The following DAB1 variants were observed in gnomAD, a reference collection of about 807,000 sequenced individuals.
DAB1 encodes the protein DAB adaptor protein 1, also known as disabled homolog 1.
DAB1 carries 15 observed loss-of-function variants against 64.6 expected under a neutral mutation model. The ratio of observed to expected loss-of-function variants is 0.23; its 90% CI spans 0.16 to 0.36. The LOEUF (loss-of-function observed/expected upper bound fraction) is 0.36. Among genes scored for constraint, DAB1 ranks in the 10% least tolerant of loss-of-function variants. The pLI is 1.00. For missense variants in DAB1, 596 were observed against 706.7 expected, an observed-to-expected ratio of 0.84 and a Z score of 1.78; for synonymous variants, 235 against 251.9, an observed-to-expected ratio of 0.93 and a Z score of 0.64.
chr1:57,692,139 C>T (rs1307518770), intron 6 of DAB1, among the ~76,000 whole-genome samples: 2 of 151,978 alleles, frequency 1.3e-5, no homozygotes, highest in East Asian at 1.9e-4. Context: ...AGTCACGTTG[C>T]CCAAGTGAGA....
intron 1 of DAB1, among the ~76,000 whole-genome samples, chr1:57,297,019 A>G (rs1673251004): frequency 1.3e-5 from 2 of 152,318 alleles, no homozygotes; most frequent in African/African-American, 4.8e-5. Context: ...ATCAACAAAC[A>G]GGGGCAGATG....
intron 7 of DAB1, among the ~76,000 whole-genome samples, chr1:57,432,936 A>G (rs1685568135): frequency 6.6e-6 from 1 of 152,240 alleles, no homozygotes; most frequent in African/African-American, 2.4e-5. Flanking sequence ...CCAAAATTAC[A>G]CAGCTGATCA....
intron 1 of DAB1, among the ~76,000 whole-genome samples, chr1:57,856,791 A>T (rs1175328882): frequency 1.3e-5 from 2 of 152,048 alleles, no homozygotes; most frequent in Non-Finnish European, 2.9e-5. Context: ...AATAAAAATA[A>T]ATTAAAAGTA....
chr1:58,050,827 C>T (rs553750677), intron 5 of DAB1, among the ~76,000 whole-genome samples: 140 of 152,270 alleles, frequency 9.2e-4, no homozygotes, highest in African/African-American at 3.2e-3. Flanking sequence ...CCGCACCCGG[C>T]CCTCATTGCT....
chr1:58,402,145 G>C (rs1183966916), intron 3 of DAB1, among the ~76,000 whole-genome samples: 1 of 152,090 alleles, frequency 6.6e-6, no homozygotes, highest in African/African-American at 2.4e-5. Context: ...GACATCTGTT[G>C]TTTTGTTCAT....
chr1:57,819,700 C>G (rs1197555062), intron 6 of DAB1, among the ~76,000 whole-genome samples: 1 of 152,180 alleles, frequency 6.6e-6, no homozygotes, highest in African/African-American at 2.4e-5. Context: ...TCTGCATTCC[C>G]ATTTATCTTG....
At chr1:57,824,363 G>A (rs575979496), downstream of DAB1, among the ~76,000 whole-genome samples, 5 of 152,172 alleles carry the variant, frequency 3.3e-5, no homozygotes, top group East Asian at 1.9e-4. Flanking sequence ...GCACACAGAC[G>A]TACTATATTT....
At chr1:58,094,108 T>G (rs1290299226) in intron 5 of DAB1, among the ~76,000 whole-genome samples, 1 of 152,152 alleles carries the variant, frequency 6.6e-6, no homozygotes, top group East Asian at 1.9e-4. Context: ...CTCTACTGGA[T>G]AGGCCTACTG....
At chr1:57,940,962 A>T (rs552754352) in intron 5 of DAB1, among the ~76,000 whole-genome samples, 1 of 152,352 alleles carries the variant, frequency 6.6e-6, no homozygotes. Flanking sequence ...CTTATGATCC[A>T]TCCACTTAGT....
chr1:57,253,680 T>C (rs1053704639), intron 2 of DAB1, among the ~76,000 whole-genome samples: 3 of 152,198 alleles, frequency 2.0e-5, no homozygotes, highest in African/African-American at 4.8e-5. Flanking sequence ...CTTATTTCTA[T>C]ATTTCTTGGT....
At chr1:57,161,858 A>G (rs1488622778) in intron 2 of DAB1, among the ~76,000 whole-genome samples, 1 of 152,120 alleles carries the variant, frequency 6.6e-6, no homozygotes, top group African/African-American at 2.4e-5. Flanking sequence ...TTCAAAAAAA[A>G]AAAAAAAGTT....
chr1:57,077,350 C>A (rs1384021749), intron 4 of DAB1, among the ~76,000 whole-genome samples: 1 of 152,032 alleles, frequency 6.6e-6, no homozygotes, highest in Non-Finnish European at 1.5e-5. Context: ...TAATACTGCA[C>A]CTTCTGAACA....
intron 3 of DAB1, among the ~76,000 whole-genome samples, chr1:58,471,601 A>G (rs1421784891): frequency 1.3e-5 from 2 of 152,118 alleles, no homozygotes; most frequent in African/African-American, 4.8e-5. Context: ...TGTAATCCCC[A>G]ATCCCCTTTT....
intron 4 of DAB1, among the ~76,000 whole-genome samples, chr1:58,313,819 ATGTGTGTGTGTG>A (rs35817738): frequency 6.7e-5 from 8 of 120,050 alleles, no homozygotes; most frequent in Admixed American, 1.7e-4. Flanking sequence ...TTGTATCTTC[ATGTGTGTGTGTG>A]TGTGTGTGTG....
At chr1:58,032,912 C>T (rs574819727) in intron 5 of DAB1, among the ~76,000 whole-genome samples, 15 of 152,356 alleles carry the variant, frequency 9.8e-5, no homozygotes, top group Admixed American at 3.9e-4. Context: ...CCTCAGCTCC[C>T]TCTTCCTGAT....
chr1:58,353,349 G>C (rs1281922602), intron 3 of DAB1, among the ~76,000 whole-genome samples: 1 of 152,146 alleles, frequency 6.6e-6, no homozygotes, highest in African/African-American at 2.4e-5. Flanking sequence ...TGACATTTGA[G>C]TTAGCCTGTG....
At chr1:57,280,837 T>C (rs1455176050) in intron 2 of DAB1, among the ~76,000 whole-genome samples, 2 of 152,164 alleles carry the variant, frequency 1.3e-5, no homozygotes, top group Non-Finnish European at 2.9e-5. Context: ...TTTCTCCTTG[T>C]GCAAATAATT....
At chr1:57,769,686 G>A (rs1396839182) in intron 6 of DAB1, among the ~76,000 whole-genome samples, 1 of 152,142 alleles carries the variant, frequency 6.6e-6, no homozygotes, top group African/African-American at 2.4e-5. Flanking sequence ...TCTATTCTCT[G>A]TGATTTATTT....
At chr1:57,658,178 C>T (rs1461111752) in intron 6 of DAB1, among the ~76,000 whole-genome samples, 1 of 152,214 alleles carries the variant, frequency 6.6e-6, no homozygotes, top group Non-Finnish European at 1.5e-5. Flanking sequence ...TACTATTTCC[C>T]TATTTGTTCC....
Sources: allele counts gnomAD v4.1 joint callset (sites outside exome capture counted in the v4.1 genomes callset), GRCh38; gene constraint gnomAD v4.1.1; transcripts MANE v1.5; gene names NCBI Gene and HGNC (gene_info 2026-07-23, HGNC 2026-07-21).